The following VPS13C variants were observed in gnomAD, a reference collection of about 807,000 sequenced individuals.
VPS13C encodes the protein vacuolar protein sorting 13 homolog C, also known as intermembrane lipid transfer protein VPS13C.
In VPS13C, 358 loss-of-function variants were observed where a neutral mutation model predicts 456.8. The ratio of observed to expected loss-of-function variants is 0.78; its 90% CI spans 0.72 to 0.86. The LOEUF (loss-of-function observed/expected upper bound fraction) is 0.86. Ranked by LOEUF, VPS13C falls within the 40% of genes least tolerant of loss-of-function variation. The probability of loss-of-function intolerance (pLI) is 0.00; values close to 1 mark genes in which losing one functional copy is unlikely to be tolerated. For synonymous variants in VPS13C, 1,578 were observed against 1,486.7 expected, an observed-to-expected ratio of 1.06 and a Z score of -1.41; for missense variants, 4,818 against 4,385.4, an observed-to-expected ratio of 1.10 and a Z score of -2.79.
At chr15:61,929,457 C>T in intron 51 of VPS13C, 44 bp downstream of exon 51, 3 of 1,547,606 alleles carry the variant, frequency 1.9e-6, no homozygotes, top group South Asian at 1.3e-5. Flanking sequence ...TAATTCTTGT[C>T]AAAATATACA....
At position 61,879,449 on chromosome 15, in the gene VPS13C, A is replaced by G. The variant is rs554361776; in HGVS notation, c.10003-703T>C. On this transcript the variant is annotated intron_variant, in intron 73 of 84. Transcript: ENST00000644861. ...TTTCTTTCATGTGACCCTCTGCCCAAATGACGAGTCTGGGAGTGCTGGGAT... is the reference window on the plus strand; with the variant it reads ...TTTCTTTCATGTGACCCTCTGCCCAGATGACGAGTCTGGGAGTGCTGGGAT... 3.3e-5 allele frequency: 5 copies of G among 152,198 alleles called. No homozygotes were observed. The South Asian group carries it at 1.0e-3, about 32-fold the overall frequency. 9.4% of individuals were successfully genotyped at this position (152,198 alleles called of 1,614,324 possible).
chr15:61,992,862 C>G (rs2046266692), intron 16 of VPS13C, among the ~76,000 whole-genome samples: 1 of 151,896 alleles, frequency 6.6e-6, no homozygotes, highest in Non-Finnish European at 1.5e-5. Context: ...GGTTCTCTCT[C>G]AAGAAAGAGG....
intron 25 of VPS13C, among the ~76,000 whole-genome samples, chr15:61,973,770 C>T (rs746711077): frequency 6.6e-6 from 1 of 152,078 alleles, no homozygotes; most frequent in African/African-American, 2.4e-5. Context: ...AAACTAAGCC[C>T]AGCTCTAGTA....
At chr15:61,905,676 T>C (rs190723886) in intron 66 of VPS13C, among the ~76,000 whole-genome samples, 1 of 152,280 alleles carries the variant, frequency 6.6e-6, no homozygotes, top group Admixed American at 6.5e-5. Flanking sequence ...TTCTTTCTTT[T>C]ACTATAACAG....
chr15:61,863,662 G>T, intron 81 of VPS13C, 134 bp from the exon 82 acceptor site: 1 of 502,346 alleles, frequency 2.0e-6, no homozygotes, highest in Non-Finnish European at 3.5e-6. Context: ...TCTACATATT[G>T]GTACATGAAG....
intron 47 of VPS13C, 49 bp downstream of exon 47, chr15:61,940,598 G>A (rs1487110824): frequency 1.9e-6 from 3 of 1,567,532 alleles, no homozygotes; most frequent in South Asian, 2.4e-5. Flanking sequence ...TATGATCAAC[G>A]AGAAAAGCCT....
chr15:62,039,788 G>A (rs2048181377), intron 3 of VPS13C, among the ~76,000 whole-genome samples: 1 of 152,070 alleles, frequency 6.6e-6, no homozygotes, highest in Non-Finnish European at 1.5e-5. Context: ...CCACTATGGA[G>A]AACAATTTGG....
rs1300148922 is a variant in VPS13C at position 61,929,513 on chromosome 15, T to G, written c.6274A>C (p.Lys2092Gln). Residue 2092 changes from lysine to glutamine, a missense_variant, in exon 51 of 85, where the codon AAG (lysine) becomes CAG (glutamine). Transcript: ENST00000644861. The stretch of plus-strand genomic sequence containing the variant: ...AAATTCTGCTAACCTTTCTCTATCT[T>G]GACCTTCCCTGTGGCAGTCTGTCTT... ...LPRQTATGKVKIEKDDSVRPN... is the reference protein window; with the variant it reads ...LPRQTATGKVQIEKDDSVRPN... 9 of 1,613,968 alleles carry G rather than the reference T, an allele frequency of 5.6e-6. No individual in the cohort carries two copies. Among genetic ancestry groups the G allele is most frequent in the Non-Finnish European group, 7.6e-6 (9 of 1,179,976 alleles).
chr15:61,985,477 G>A (rs1056372632), intron 18 of VPS13C, among the ~76,000 whole-genome samples: 7 of 152,044 alleles, frequency 4.6e-5, no homozygotes, highest in Admixed American at 1.3e-4. Flanking sequence ...GACTGGTCTC[G>A]AACTCCTGAC....
chr15:62,046,875 A>G (rs1177514337), intron 1 of VPS13C, among the ~76,000 whole-genome samples: 1 of 152,166 alleles, frequency 6.6e-6, no homozygotes, highest in Admixed American at 6.5e-5. Context: ...ATTTAGACAG[A>G]CTGTCAGACA....
chr15:61,936,635 C>G lies in VPS13C; in HGVS notation c.5717G>C (p.Arg1906Thr). Residue 1906 changes from arginine (R) to threonine (T), a missense_variant, in exon 48 of 85, where the codon AGA becomes ACA. This residue lies in a region of VPS13C where 4,552 missense variants were observed against 4,130.6 expected (regional missense o/e 1.10). Coordinates refer to ENST00000644861, the MANE Select transcript of VPS13C (RefSeq NM_020821.3). ...TQSVQETVRV[R>T]KVDVSSVPDH... ...AGGTACACTTGAAACATCAACTTTT[C>G]TCACTCTTACAGTCTCCTGCACAGA... 6.3e-7 allele frequency: 1 copy of G among 1,586,588 alleles called. No individual in the cohort carries two copies. Among genetic ancestry groups the G allele is most frequent in the Non-Finnish European group, 8.5e-7 (1 of 1,169,798 alleles).
chr15:61,901,791 T>C lies in VPS13C; in HGVS notation c.9105+5473A>G, dbSNP rs1001561193. ...ATACCCAAAGGACTATAAATCATGCTGCTATAAAGACACATGCACACATAT... is the reference window on the plus strand; with the variant it reads ...ATACCCAAAGGACTATAAATCATGCCGCTATAAAGACACATGCACACATAT... On this transcript the variant is annotated intron_variant, in intron 66 of 84. Coordinates refer to ENST00000644861, the MANE Select transcript of VPS13C (RefSeq NM_020821.3). Among the ~76,000 whole-genome samples the C allele has an allele frequency of 8.5e-5, 13 of 152,206 alleles. No individual in the cohort carries two copies. The South Asian group carries it at 1.9e-3, about 22-fold the overall frequency.
At chr15:61,881,021 T>A (rs537771452) in intron 71 of VPS13C, 67 bp from the exon 72 acceptor site, 14 of 1,313,712 alleles carry the variant, frequency 1.1e-5, no homozygotes, top group East Asian at 2.4e-5. Flanking sequence ...TGTTAAAACT[T>A]TGATTTCAGT....
chr15:61,876,949 T>G (rs750321931), intron 75 of VPS13C, 24 bp downstream of exon 75: 1 of 1,543,922 alleles, frequency 6.5e-7, no homozygotes, highest in Admixed American at 1.8e-5. Context: ...ATATTCCTTA[T>G]GAAATACTAT....
At chr15:62,043,917 A>G (rs897633808) in intron 2 of VPS13C, among the ~76,000 whole-genome samples, 9 of 152,238 alleles carry the variant, frequency 5.9e-5, no homozygotes, top group Admixed American at 5.9e-4. Context: ...AAAAATACGT[A>G]AAGACACTAG....
intron 82 of VPS13C, chr15:61,856,687 CTTTTT>C (rs542779595): frequency 5.2e-3 from 597 of 114,548 alleles, no homozygotes; most frequent in South Asian, 0.011. Flanking sequence ...TTTTTCTTTT[CTTTTT>C]TTTTTTTTTT....
At chr15:61,973,373 C>T (rs1596404615) in intron 26 of VPS13C, 81 bp downstream of exon 26, 8 of 1,161,756 alleles carry the variant, frequency 6.9e-6, no homozygotes, top group South Asian at 6.8e-5. Context: ...TTCAGACTGC[C>T]CTTATTTTCT....
At chr15:61,963,411 G>C (rs2045276842) in intron 32 of VPS13C, among the ~76,000 whole-genome samples, 1 of 151,776 alleles carries the variant, frequency 6.6e-6, no homozygotes, top group Admixed American at 6.6e-5. Flanking sequence ...TTATAAGATT[G>C]CTTTTCATAA....
chr15:61,897,695 A>G (rs1189723442), intron 66 of VPS13C, among the ~76,000 whole-genome samples: 1 of 152,230 alleles, frequency 6.6e-6, no homozygotes, highest in Non-Finnish European at 1.5e-5. Context: ...ATTATCCAGG[A>G]GAACTTCCCC....
Sources: allele counts gnomAD v4.1 joint callset (sites outside exome capture counted in the v4.1 genomes callset), GRCh38; gene constraint gnomAD v4.1.1; regional missense constraint gnomAD v4.1.1; transcripts MANE v1.5; gene names NCBI Gene and HGNC (gene_info 2026-07-23, HGNC 2026-07-21).